Variants in ARB2A observed in about 807,000 individuals in gnomAD.
The protein encoded by ARB2A is ARB2 cotranscriptional regulator A.
At chr5:94,030,859 C>A in the ARB2A span, among the ~76,000 whole-genome samples, 2 of 152,108 alleles carry the variant, frequency 1.3e-5, no homozygotes, top group African/African-American at 4.8e-5. Flanking sequence ...AACGAGGTTG[C>A]CTCTCATATT....
the ARB2A span, among the ~76,000 whole-genome samples, chr5:93,840,853 T>C: frequency 5.3e-5 from 8 of 152,202 alleles, no homozygotes; most frequent in Non-Finnish European, 1.2e-4. Context: ...TTCTATGCTA[T>C]ACTAACTATC....
chr5:93,711,434 T>C, the ARB2A span, among the ~76,000 whole-genome samples: 1 of 152,162 alleles, frequency 6.6e-6, no homozygotes, highest in Non-Finnish European at 1.5e-5. Flanking sequence ...ATGTTTCCTT[T>C]ACCCTCAGTT....
At chr5:94,001,994 A>C in the ARB2A span, among the ~76,000 whole-genome samples, 4 of 151,972 alleles carry the variant, frequency 2.6e-5, no homozygotes, top group African/African-American at 9.7e-5. Flanking sequence ...TACTGTACTT[A>C]TACCTCTAAA....
chr5:93,716,735 A>G, the ARB2A span, among the ~76,000 whole-genome samples: 1 of 149,962 alleles, frequency 6.7e-6, no homozygotes, highest in Non-Finnish European at 1.5e-5. Flanking sequence ...TGCCAAGTTT[A>G]ACAAAAGGAC....
the ARB2A span, chr5:93,741,376 A>G: frequency 1.2e-6 from 2 of 1,612,336 alleles, no homozygotes; most frequent in Non-Finnish European, 1.7e-6. Context: ...ACCCAGGGGA[A>G]TCCTCCACAC....
At chr5:93,830,725 C>A in the ARB2A span, among the ~76,000 whole-genome samples, 1 of 152,110 alleles carries the variant, frequency 6.6e-6, no homozygotes. Flanking sequence ...CAGTCCCCAA[C>A]CTTTTTGACA....
chr5:93,857,207 C>A, the ARB2A span, among the ~76,000 whole-genome samples: 1 of 152,150 alleles, frequency 6.6e-6, no homozygotes, highest in Non-Finnish European at 1.5e-5. Context: ...GTGGTGCCTC[C>A]CAGTTAGGCT....
At chr5:93,912,999 T>C in the ARB2A span, among the ~76,000 whole-genome samples, 2 of 151,898 alleles carry the variant, frequency 1.3e-5, no homozygotes, top group Admixed American at 6.6e-5. Context: ...CTTTCAGAGA[T>C]AATTTCTTCT....
chr5:93,830,170 A>G, the ARB2A span, among the ~76,000 whole-genome samples: 1 of 151,368 alleles, frequency 6.6e-6, no homozygotes, highest in Admixed American at 6.6e-5. Flanking sequence ...CAAAATAGGA[A>G]AGTTACCAGA....
At chr5:94,109,158 T>G in the ARB2A span, among the ~76,000 whole-genome samples, 1 of 152,222 alleles carries the variant, frequency 6.6e-6, no homozygotes, top group Non-Finnish European at 1.5e-5. Flanking sequence ...GACATTATAC[T>G]AAGTGAAATA....
At chr5:94,004,127 G>T in the ARB2A span, among the ~76,000 whole-genome samples, 1 of 152,028 alleles carries the variant, frequency 6.6e-6, no homozygotes, top group Non-Finnish European at 1.5e-5. Context: ...GGAGCAACTG[G>T]ACAGCCATAA....
chr5:94,108,018 T>G, the ARB2A span, among the ~76,000 whole-genome samples: 1 of 152,178 alleles, frequency 6.6e-6, no homozygotes, highest in Non-Finnish European at 1.5e-5. Flanking sequence ...GATCCATCAC[T>G]ATTACTGATC....
the ARB2A span, among the ~76,000 whole-genome samples, chr5:93,713,436 C>T: frequency 6.6e-6 from 1 of 151,858 alleles, no homozygotes; most frequent in Non-Finnish European, 1.5e-5. Context: ...ATACAGATGG[C>T]CAAGAGGTAC....
At chr5:93,728,013 T>C in the ARB2A span, among the ~76,000 whole-genome samples, 273 of 152,200 alleles carry the variant, frequency 1.8e-3, 1 homozygote, top group African/African-American at 5.6e-3. Flanking sequence ...GATCAATATA[T>C]ACATTAAGGA....
At chr5:93,887,733 AAC>A in the ARB2A span, among the ~76,000 whole-genome samples, 10 of 151,878 alleles carry the variant, frequency 6.6e-5, no homozygotes, top group Non-Finnish European at 1.3e-4. Context: ...TGAATAACAA[AAC>A]AGTTATAAAA....
At chr5:93,658,409 G>GAT in the ARB2A span, among the ~76,000 whole-genome samples, 2 of 152,022 alleles carry the variant, frequency 1.3e-5, no homozygotes, top group Non-Finnish European at 2.9e-5. Context: ...ACTGATCATT[G>GAT]ATATAAAAAA....
the ARB2A span, chr5:93,824,019 A>G: frequency 3.2e-6 from 2 of 632,906 alleles, no homozygotes; most frequent in Non-Finnish European, 4.7e-6. Flanking sequence ...TCATAAAATT[A>G]TTTACTCAAA....
the ARB2A span, among the ~76,000 whole-genome samples, chr5:93,859,701 AC>A: frequency 6.6e-6 from 1 of 152,220 alleles, no homozygotes; most frequent in East Asian, 1.9e-4. Flanking sequence ...CCAATGAAAA[AC>A]GAAAACATAT....
chr5:93,655,802 A>G, the ARB2A span, among the ~76,000 whole-genome samples: 1 of 152,208 alleles, frequency 6.6e-6, no homozygotes, highest in Admixed American at 6.5e-5. Flanking sequence ...GAAGGGCCAC[A>G]TATGACAACA....
Sources: allele counts gnomAD v4.1 joint callset (sites outside exome capture counted in the v4.1 genomes callset), GRCh38; gene constraint gnomAD v4.1.1; transcripts MANE v1.5; gene names NCBI Gene and HGNC (gene_info 2026-07-23, HGNC 2026-07-21).